LHX8: variants seen among roughly 807,000 people sequenced by gnomAD.
LHX8 encodes the protein LIM/homeobox protein Lhx8.
Under a neutral mutation model 40.3 loss-of-function variants are expected in LHX8, and 12 were observed. The observed-to-expected ratio is 0.30, with a 90% CI of 0.19 to 0.48. The LOEUF is 0.48. Among genes scored for constraint, LHX8 ranks in the 20% least tolerant of loss-of-function variants. The pLI, the probability that LHX8 is intolerant of heterozygous loss-of-function variation, is 0.99. For synonymous variants in LHX8, 179 were observed against 162.0 expected (o/e 1.10, Z -0.80); for missense variants, 344 against 433.7 (o/e 0.79, Z 1.84).
the LHX8 span, among the ~76,000 whole-genome samples, chr1:75,192,341 A>G: frequency 0.12 from 17,739 of 152,170 alleles, 1,715 homozygotes; most frequent in African/African-American, 0.26. Context: ...TTCCTACAGA[A>G]CCATTTGCTA....
chr1:75,171,539 T>C, the LHX8 span, among the ~76,000 whole-genome samples: 8 of 152,130 alleles, frequency 5.3e-5, no homozygotes, highest in Non-Finnish European at 1.2e-4. Flanking sequence ...CAGGAGGTTG[T>C]TCTCACATGA....
At chr1:75,130,832 C>G (rs1298892753), upstream of LHX8, 2 of 1,184,750 alleles carry the variant, frequency 1.7e-6, no homozygotes, top group African/African-American at 3.0e-5. Context: ...TCCAAAGACA[C>G]GGTCTCCTAA....
the LHX8 span, among the ~76,000 whole-genome samples, chr1:75,198,478 C>T: frequency 1.3e-5 from 2 of 152,156 alleles, no homozygotes; most frequent in East Asian, 3.9e-4. Flanking sequence ...TTTTCAGCAG[C>T]ACTGTGAGGA....
intron 3 of LHX8, 149 bp downstream of exon 3, chr1:75,137,410 C>G: frequency 1.3e-6 from 1 of 748,602 alleles, no homozygotes; most frequent in Non-Finnish European, 2.3e-6. Context: ...CAGTTTAGGG[C>G]AACTCATGCG....
chr1:75,179,500 T>TTTCCCC, the LHX8 span, among the ~76,000 whole-genome samples: 11 of 123,742 alleles, frequency 8.9e-5, no homozygotes, highest in South Asian at 2.8e-3. Flanking sequence ...GCAACCCCTG[T>TTTCCCC]TGTTTTTTTT....
intron 3 of LHX8, among the ~76,000 whole-genome samples, chr1:75,140,100 C>G (rs1648271704): frequency 6.6e-6 from 1 of 152,222 alleles, no homozygotes; most frequent in Non-Finnish European, 1.5e-5. Flanking sequence ...CATCTTCATA[C>G]TCCAGGGCTA....
upstream of LHX8, chr1:75,130,282 C>T (rs1298968096): frequency 9.2e-6 from 2 of 217,954 alleles, no homozygotes; most frequent in African/African-American, 4.5e-5. Flanking sequence ...TACTGGCGCT[C>T]TGCGAACCGG....
chr1:75,198,834 A>G, the LHX8 span, among the ~76,000 whole-genome samples: 3 of 152,170 alleles, frequency 2.0e-5, no homozygotes, highest in Non-Finnish European at 4.4e-5. Flanking sequence ...AAAGAGATTG[A>G]GTTGGAGGAA....
At chr1:75,149,137 T>C (rs1648539793) in intron 7 of LHX8, among the ~76,000 whole-genome samples, 1 of 152,218 alleles carries the variant, frequency 6.6e-6, no homozygotes, top group East Asian at 1.9e-4. Context: ...AGGTCAGTGT[T>C]TTTCCTACTT....
chr1:75,130,370 GCTTGAAA>G, upstream of LHX8: 1 of 434,846 alleles, frequency 2.3e-6, no homozygotes. Flanking sequence ...CTCCAGAACC[GCTTGAAA>G]CAACTGGCCC....
upstream of LHX8, chr1:75,133,025 G>T (rs1198147417): frequency 6.6e-6 from 1 of 152,180 alleles, no homozygotes; most frequent in Non-Finnish European, 1.5e-5. Flanking sequence ...CCACGCACAA[G>T]TTAGCTTTTT....
Position 75,160,827 on chromosome 1 carries a change from C to A in LHX8, c.973C>A (p.Pro325Thr), listed in dbSNP as rs2100367186. ...ALHSYMDAHSPTTLGLQPLLP... is the reference protein window; with the variant it reads ...ALHSYMDAHSTTTLGLQPLLP... ...TTCTTTCTATTTTGTAGCTCATTCA[C>A]CAACAACTCTTGGACTCCAGCCCTT... Residue 325 changes from proline (P) to threonine (T), a missense_variant, in exon 9 of 9, where the codon CCA becomes ACA. Transcript: ENST00000356261. 6.2e-7 allele frequency: 1 copy of A among 1,611,488 alleles called. No individual in the cohort carries two copies. Among genetic ancestry groups the A allele is most frequent in the Non-Finnish European group, 8.5e-7 (1 of 1,177,736 alleles).
At chr1:75,167,331 AG>A in the LHX8 span, among the ~76,000 whole-genome samples, 2 of 152,230 alleles carry the variant, frequency 1.3e-5, no homozygotes, top group South Asian at 2.1e-4. Flanking sequence ...CCCTGTGATA[AG>A]ATAGTACATA....
the LHX8 span, among the ~76,000 whole-genome samples, chr1:75,179,502 GTTT>G: frequency 9.1e-3 from 988 of 108,480 alleles, 14 homozygotes; most frequent in African/African-American, 0.031. Context: ...AACCCCTGTT[GTTT>G]TTTTTTTTTT....
At chr1:75,166,173 G>A (rs1649032921), downstream of LHX8, among the ~76,000 whole-genome samples, 1 of 152,304 alleles carries the variant, frequency 6.6e-6, no homozygotes, top group African/African-American at 2.4e-5. Context: ...AGCACTTTGT[G>A]CATTTCTTTA....
At chr1:75,174,790 C>CT in the LHX8 span, among the ~76,000 whole-genome samples, 99 of 150,494 alleles carry the variant, frequency 6.6e-4, no homozygotes, top group African/African-American at 1.9e-3. Flanking sequence ...TCCTGGTTTT[C>CT]TTTTTTTTTC....
rs575418313 is a variant in LHX8 at position 75,161,182 on chromosome 1, A to G, written c.*287A>G. On this transcript the variant is annotated 3_prime_UTR_variant, in exon 9 of 9. Transcript: ENST00000356261. ...GTATCTGTTAATTTATTTGTCATCA[A>G]AAGAGCACTTTGCCTAAAAGAAAGG... The G allele has an allele frequency of 2.0e-5, 7 of 352,400 alleles. No individual in the cohort carries two copies. The East Asian group carries it at 2.4e-4, about 12-fold the overall frequency. 21.8% of individuals were successfully genotyped at this position (352,400 alleles called of 1,614,324 possible). A position where few individuals can be genotyped will look rare whatever the true frequency, so the allele number is the denominator to read the frequency against.
upstream of LHX8, chr1:75,130,661 G>T: frequency 6.5e-7 from 1 of 1,533,994 alleles, no homozygotes; most frequent in Non-Finnish European, 9.0e-7. Flanking sequence ...CGGAGTCTGG[G>T]ACCGGTAAGT....
At chr1:75,130,364 A>T, upstream of LHX8, 1 of 426,210 alleles carries the variant, frequency 2.3e-6, no homozygotes. Context: ...TTGGTCCTCC[A>T]GAACCGCTTG....
Sources: allele counts gnomAD v4.1 joint callset (sites outside exome capture counted in the v4.1 genomes callset), GRCh38; gene constraint gnomAD v4.1.1; transcripts MANE v1.5; gene names NCBI Gene and HGNC (gene_info 2026-07-23, HGNC 2026-07-21).